The following GPRC5A variants were observed in gnomAD, a reference collection of about 807,000 sequenced individuals.
GPRC5A encodes retinoic acid-induced protein 3.
GPRC5A carries 19 observed loss-of-function variants against 22.5 expected under a neutral mutation model. That is an observed-to-expected ratio of 0.85 (90% CI 0.59 to 1.24). The LOEUF (loss-of-function observed/expected upper bound fraction) is 1.24, where lower values mean the gene tolerates loss of function less well. Among genes scored for constraint, GPRC5A ranks in the 50% most tolerant of loss-of-function variants. The probability of loss-of-function intolerance (pLI) is 0.00; values close to 1 mark genes in which losing one functional copy is unlikely to be tolerated. For synonymous variants in GPRC5A, 192 were observed against 184.5 expected, an observed-to-expected ratio of 1.04 and a Z score of -0.33; for missense variants, 471 against 451.1, an observed-to-expected ratio of 1.04 and a Z score of -0.40.
Position 12,915,624 on chromosome 12 carries a change from T to TTTCCTCCTCCTCCTCCTC in GPRC5A, c.*3085_*3086insTTCCTCCTCCTCCTCCTC, listed in dbSNP as rs1864055914. On this transcript the variant is annotated 3_prime_UTR_variant, in exon 4 of 4. Coordinates refer to ENST00000014914, the MANE Select transcript of GPRC5A (RefSeq NM_003979.4). ...GTTTCTCCTTCTTCCTTCTCCTCCT[T>TTTCCTCCTCCTCCTCCTC]CTCCTCCTCCTCCTCCTCCACCATG... The TTTCCTCCTCCTCCTCCTC allele has an allele frequency of 1.1e-5, 2 of 185,482 alleles. No homozygotes were observed. Among genetic ancestry groups the TTTCCTCCTCCTCCTCCTC allele is most frequent in the African/African-American group, 4.8e-5 (2 of 42,056 alleles). The allele number at this position is 185,482 out of a possible 1,614,324, so 11.5% of individuals were successfully genotyped here. A position where few individuals can be genotyped will look rare whatever the true frequency, so the allele number is the denominator to read the frequency against.
chr12:12,906,950 A>G (rs893421416), intron 1 of GPRC5A, among the ~76,000 whole-genome samples: 4 of 152,024 alleles, frequency 2.6e-5, no homozygotes, highest in African/African-American at 9.7e-5. Context: ...TCAGCTACTC[A>G]GGAGGCTGAG....
At chr12:12,897,985 T>C (rs1863841103) in intron 1 of GPRC5A, among the ~76,000 whole-genome samples, 1 of 152,186 alleles carries the variant, frequency 6.6e-6, no homozygotes, top group Non-Finnish European at 1.5e-5. Flanking sequence ...GTCCTTGGCT[T>C]CCCATGTGAT....
At chr12:12,910,873 T>TC (rs201866891) in intron 2 of GPRC5A, among the ~76,000 whole-genome samples, 3 of 89,710 alleles carry the variant, frequency 3.3e-5, no homozygotes, top group East Asian at 2.2e-3. Context: ...CATCTCTCTC[T>TC]TTTTTTTTTT....
chr12:12,899,420 G>A lies in GPRC5A; in HGVS notation c.-8+7756G>A, dbSNP rs533640385. ...TAAATGGAGAGAGGTTGGGGTCAGG[G>A]AGAAAAGCTCTAGAGATGATGACAG... is the stretch of plus-strand genomic sequence containing the variant. On this transcript the variant is annotated intron_variant, in intron 1 of 3. Coordinates refer to ENST00000014914, the MANE Select transcript of GPRC5A (RefSeq NM_003979.4). 9.9e-5 allele frequency among the ~76,000 whole-genome samples: 15 copies of A among 152,252 alleles called. No homozygotes were observed. In the South Asian group the frequency reaches 3.1e-3, roughly 32 times the overall value.
Position 12,908,364 on chromosome 12 carries a change from G to C in GPRC5A, c.115G>C (p.Val39Leu), listed in dbSNP as rs760730235. The C allele has an allele frequency of 1.2e-6, 2 of 1,614,160 alleles. No homozygotes were observed. The highest frequency in any genetic ancestry group is 3.3e-5 in the Admixed American group (2 of 60,016). ...IVLETVATAG[V>L]VTSVAFMLTL... ...CCTAGAAACGGTGGCCACAGCCGGGGTTGTGACCTCGGTGGCCTTCATGCT... is the reference window on the plus strand; with the variant it reads ...CCTAGAAACGGTGGCCACAGCCGGGCTTGTGACCTCGGTGGCCTTCATGCT... The change falls in exon 2 of 4, where the codon GTT (valine) becomes CTT (leucine). Residue 39 changes from valine to leucine, a missense_variant. By Grantham distance (32) the Val-to-Leu change is conservative. Coordinates refer to ENST00000014914, the MANE Select transcript of GPRC5A (RefSeq NM_003979.4).
chr12:12,910,309 G>A (rs1299365544), intron 2 of GPRC5A, among the ~76,000 whole-genome samples: 1 of 150,880 alleles, frequency 6.6e-6, no homozygotes. Context: ...GAGGGCAGGA[G>A]GGGTTATTTA....
chr12:12,892,289 T>G (rs1308110987), intron 1 of GPRC5A, among the ~76,000 whole-genome samples: 1 of 152,214 alleles, frequency 6.6e-6, no homozygotes, highest in African/African-American at 2.4e-5. Context: ...CACTACCGAC[T>G]TTATGGATAG....
chr12:12,911,551 C>T (rs1014031634), intron 2 of GPRC5A, among the ~76,000 whole-genome samples: 38 of 150,472 alleles, frequency 2.5e-4, no homozygotes, highest in Non-Finnish European at 4.4e-4. Context: ...TGCAGTGGTG[C>T]GATCTCGGCT....
At chr12:12,912,282 G>T in intron 3 of GPRC5A, 140 bp downstream of exon 3, 2 of 853,966 alleles carry the variant, frequency 2.3e-6, no homozygotes, top group Non-Finnish European at 4.0e-6. Flanking sequence ...TCCTCTAAGC[G>T]GCCTCACGGG....
At chr12:12,899,594 T>C (rs1461585381) in intron 1 of GPRC5A, among the ~76,000 whole-genome samples, 1 of 152,174 alleles carries the variant, frequency 6.6e-6, no homozygotes, top group Non-Finnish European at 1.5e-5. Context: ...TTAAATGAGG[T>C]AATGGATGTA....
intron 1 of GPRC5A, among the ~76,000 whole-genome samples, chr12:12,903,287 A>T (rs890566522): frequency 6.6e-6 from 1 of 151,928 alleles, no homozygotes; most frequent in African/African-American, 2.4e-5. Flanking sequence ...TTAATTTTTA[A>T]TTTTTTAAAA....
intron 1 of GPRC5A, among the ~76,000 whole-genome samples, chr12:12,894,579 T>A (rs1173470368): frequency 6.6e-6 from 1 of 151,938 alleles, no homozygotes; most frequent in African/African-American, 2.4e-5. Flanking sequence ...TGGCTAATTT[T>A]TAAATTTTTT....
chr12:12,912,338 TG>T, intron 3 of GPRC5A, 108 bp from the exon 4 acceptor site: 1 of 863,174 alleles, frequency 1.2e-6, no homozygotes. Flanking sequence ...GACTTGGGGG[TG>T]GGAGGCCTGG....
At chr12:12,902,475 G>A (rs868015580) in intron 1 of GPRC5A, among the ~76,000 whole-genome samples, 5 of 151,946 alleles carry the variant, frequency 3.3e-5, no homozygotes, top group Admixed American at 6.6e-5. Context: ...TTAGAGAGAC[G>A]TTCTAGACTG....
At position 12,909,121 on chromosome 12, in the gene GPRC5A, A is replaced by T; in HGVS notation, c.872A>T (p.Lys291Met). The T allele has an allele frequency of 6.2e-7, 1 of 1,600,148 alleles. No individual in the cohort carries two copies. Among genetic ancestry groups the T allele is most frequent in the Non-Finnish European group, 8.5e-7 (1 of 1,179,496 alleles). Reference sequence around the variant, plus strand: ...TTCTGTAAACCTCAACTCGTGAAGAAGAGCTATGGTGTGGAGAACAGAGCC... The same window carrying T: ...TTCTGTAAACCTCAACTCGTGAAGATGAGCTATGGTGTGGAGAACAGAGCC... ...DAFCKPQLVK[K>M]SYGVENRAYS... Residue 291 changes from lysine (K) to methionine (M), a missense_variant, in exon 2 of 4, where the codon AAG becomes ATG. Coordinates refer to ENST00000014914, the MANE Select transcript of GPRC5A (RefSeq NM_003979.4).
At chr12:12,899,526 G>C (rs1191434630) in intron 1 of GPRC5A, among the ~76,000 whole-genome samples, 1 of 152,134 alleles carries the variant, frequency 6.6e-6, no homozygotes, top group African/African-American at 2.4e-5. Context: ...TGTGACACTG[G>C]ACATGTACCT....
Position 12,908,296 on chromosome 12 carries a change from A to C in GPRC5A, c.47A>C (p.Lys16Thr). The C allele has an allele frequency of 6.2e-7, 1 of 1,608,600 alleles. No individual in the cohort carries two copies. The highest frequency in any genetic ancestry group is 8.5e-7 in the Non-Finnish European group (1 of 1,177,698). Residue 16 changes from lysine to threonine, a missense_variant, in exon 2 of 4, where the codon AAG becomes ACG. Transcript: ENST00000014914. ...PDGCRNGLKSKYYRLCDKAEA... is the reference protein window; with the variant it reads ...PDGCRNGLKSTYYRLCDKAEA... ...GGTTGCCGCAATGGCCTGAAATCCA[A>C]GTACTACAGACTTTGTGATAAGGCT...
At position 12,916,415 on chromosome 12, in the gene GPRC5A, T is replaced by C. The variant is rs959401982; in HGVS notation, c.*3876T>C. On this transcript the variant is annotated 3_prime_UTR_variant, in exon 4 of 4. Transcript: ENST00000014914. ...GCCCCATGTTTCCACTAGATGGCGC[T>C]GACACTTCAGGCATCAACCCTCATG... is the stretch of plus-strand genomic sequence containing the variant. 2.6e-5 allele frequency: 4 copies of C among 152,250 alleles called. No individual in the cohort carries two copies. Among genetic ancestry groups the C allele is most frequent in the East Asian group, 1.9e-4 (1 of 5,196 alleles). The allele number at this position is 152,250 out of a possible 1,614,324, so 9.4% of individuals were successfully genotyped here. A position where few individuals can be genotyped will look rare whatever the true frequency, so the allele number is the denominator to read the frequency against.
chr12:12,895,198 CTTAA>C (rs1049661442), intron 1 of GPRC5A, among the ~76,000 whole-genome samples: 3 of 152,114 alleles, frequency 2.0e-5, no homozygotes, highest in African/African-American at 4.8e-5. Context: ...TTAACTTCTA[CTTAA>C]TTATTTTACC....
Sources: gnomAD v4.1 joint callset for allele counts (sites outside exome capture counted in the v4.1 genomes callset) on GRCh38, gnomAD v4.1.1 for gene constraint, MANE v1.5 for transcripts, NCBI Gene and HGNC (gene_info 2026-07-23, HGNC 2026-07-21) for gene names.